Variants in CAMSAP1 observed in about 807,000 individuals in gnomAD.
CAMSAP1 encodes the protein calmodulin-regulated spectrin-associated protein 1.
In CAMSAP1, 58 loss-of-function variants were observed where a neutral mutation model predicts 143.5. That is an observed-to-expected ratio of 0.40 (90% CI 0.33 to 0.50). The LOEUF (loss-of-function observed/expected upper bound fraction) is 0.50. Among genes scored for constraint, CAMSAP1 ranks in the 20% least tolerant of loss-of-function variants. The pLI, the probability that CAMSAP1 is intolerant of heterozygous loss-of-function variation, is 0.45. For synonymous variants in CAMSAP1, 945 were observed against 859.3 expected (o/e 1.10, Z -1.74); for missense variants, 1,969 against 2,115.7 (o/e 0.93, Z 1.36).
In CAMSAP1 at chr9:135,820,293, A is replaced by G. The variant is rs1835398003; in HGVS notation, c.3822+546T>C. On this transcript the variant is annotated intron_variant, in intron 11 of 16. Transcript: ENST00000389532. This position sits in a 1 kb window ranked among gnomAD's most constrained non-coding sequence, Gnocchi z 4.4. ...ATATATGGTCTTATCATCTTAGGAG[A>G]CAACGAACGTCACAGCAAACATCAT... Among the ~76,000 whole-genome samples the G allele has an allele frequency of 1.3e-5, 2 of 152,226 alleles. No homozygotes were observed. Among genetic ancestry groups the G allele is most frequent in the Admixed American group, 1.3e-4 (2 of 15,282 alleles).
At chr9:135,878,696 TGA>T (rs1012260222) in intron 3 of CAMSAP1, among the ~76,000 whole-genome samples, 1 of 151,830 alleles carries the variant, frequency 6.6e-6, no homozygotes, top group African/African-American at 2.4e-5. Flanking sequence ...ACAGCGCGGG[TGA>T]GAGAGTTTGC....
At chr9:135,833,622 A>G (rs1218057329) in intron 7 of CAMSAP1, among the ~76,000 whole-genome samples, 1 of 152,250 alleles carries the variant, frequency 6.6e-6, no homozygotes. Context: ...TAGAAGAATG[A>G]AACTGGACCC....
At chr9:135,841,445 C>T (rs1313358263) in intron 7 of CAMSAP1, among the ~76,000 whole-genome samples, 1 of 152,198 alleles carries the variant, frequency 6.6e-6, no homozygotes, top group Non-Finnish European at 1.5e-5. Context: ...TAAACATCAC[C>T]GCCTGCTGGC....
intron 16 of CAMSAP1, among the ~76,000 whole-genome samples, chr9:135,813,870 CT>C (rs1835138124): frequency 6.6e-6 from 1 of 152,250 alleles, no homozygotes; most frequent in Non-Finnish European, 1.5e-5. Context: ...CTCAAAAGGG[CT>C]TTCCATGGCC....
intron 3 of CAMSAP1, among the ~76,000 whole-genome samples, chr9:135,873,011 ACT>A (rs1837619936): frequency 1.3e-5 from 2 of 152,196 alleles, no homozygotes; most frequent in Admixed American, 1.3e-4. Context: ...CACTGAAGAC[ACT>A]CTACCTTCAA....
chr9:135,836,441 C>T (rs950859885), intron 7 of CAMSAP1: 17 of 983,718 alleles, frequency 1.7e-5, no homozygotes, highest in Non-Finnish European at 2.0e-5. Context: ...CACACACTTT[C>T]TACCCTGTTC....
intron 1 of CAMSAP1, among the ~76,000 whole-genome samples, chr9:135,895,848 C>T (rs886768744): frequency 2.0e-5 from 3 of 151,926 alleles, no homozygotes; most frequent in Non-Finnish European, 2.9e-5. Flanking sequence ...ATAAGTATAC[C>T]GTAATACCCA....
intron 7 of CAMSAP1, among the ~76,000 whole-genome samples, chr9:135,841,275 C>T (rs995931409): frequency 6.6e-6 from 1 of 152,194 alleles, no homozygotes; most frequent in African/African-American, 2.4e-5. Context: ...TGGGCAAAGC[C>T]GCTGTAGCCA....
rs566753664 is a variant in CAMSAP1, at chr9:135,864,321, T to C, written c.667-1713A>G. ...GATTCAAAAAGTTAAAAGATCTATA[T>C]TGATTTAGAATGCTTTCCTCTTTCT... is the stretch of plus-strand genomic sequence containing the variant. On this transcript the variant is annotated intron_variant, in intron 4 of 16. Coordinates refer to ENST00000389532, the MANE Select transcript of CAMSAP1 (RefSeq NM_015447.4). 2.5e-3 allele frequency among the ~76,000 whole-genome samples: 381 copies of C among 152,328 alleles called. 2 individuals are homozygous for C. The highest frequency in any genetic ancestry group is 8.8e-3 in the African/African-American group (367 of 41,566).
rs59978082 is a variant in CAMSAP1, at chr9:135,892,848, C to CAAAAAAAAAAAAAAAAAAAAAAAAAAAA, written c.161-9771_161-9770insTTTTTTTTTTTTTTTTTTTTTTTTTTTT. On this transcript the variant is annotated intron_variant, in intron 1 of 16. Transcript: ENST00000389532. ...CCTGGGCAACAGAGCAAGACTGTCTCAAAAAAAAAAAAAAAAAAAGAACTA... is the reference window on the plus strand; with the variant it reads ...CCTGGGCAACAGAGCAAGACTGTCTCAAAAAAAAAAAAAAAAAAAAAAAAAAAAAAAAAAAAAAAAAAAAAAAGAACTA... 7.6e-4 allele frequency among the ~76,000 whole-genome samples: 32 copies of CAAAAAAAAAAAAAAAAAAAAAAAAAAAA among 42,060 alleles called. 2 individuals are homozygous for CAAAAAAAAAAAAAAAAAAAAAAAAAAAA. Among genetic ancestry groups the CAAAAAAAAAAAAAAAAAAAAAAAAAAAA allele is most frequent in the Non-Finnish European group, 1.0e-3 (24 of 23,610 alleles). 27.6% of individuals were successfully genotyped at this position (42,060 alleles called of 152,430 possible).
chr9:135,846,880 AAC>A (rs1219507251), intron 7 of CAMSAP1, among the ~76,000 whole-genome samples: 1 of 152,196 alleles, frequency 6.6e-6, no homozygotes, highest in Non-Finnish European at 1.5e-5. Context: ...GTCAGGCAAC[AAC>A]AGATGCTAGA....
In CAMSAP1 at chr9:135,824,684, A is replaced by C. The variant is rs1369853156; in HGVS notation, c.1315+105T>G. On this transcript the variant is annotated intron_variant, in intron 9 of 16. Transcript: ENST00000389532. The surrounding 1 kb of genome is among the most constrained non-coding windows in gnomAD (Gnocchi z 4.1). ...ATCTCAAAAAACAAACAAACAAACA[A>C]AAAAATCACTACATCAGATAAAATG... The C allele has an allele frequency of 1.5e-5, 14 of 921,980 alleles. No individual in the cohort carries two copies. The Admixed American group carries it at 4.1e-4, about 27-fold the overall frequency. 57.1% of individuals were successfully genotyped at this position (921,980 alleles called of 1,614,324 possible).
chr9:135,860,340 G>A (rs1203022027), intron 5 of CAMSAP1, among the ~76,000 whole-genome samples: 1 of 152,140 alleles, frequency 6.6e-6, no homozygotes, highest in African/African-American at 2.4e-5. Flanking sequence ...GCTCACACCT[G>A]TAATCCCAGC....
rs918441830 is a variant in CAMSAP1, at chr9:135,856,282, C to T, written c.809-5821G>A. ...ATGAAAAGCACGTGTCACATGACGG[C>T]GGCAAGAGAGAGAATGAGAGCCAAG... On this transcript the variant is annotated intron_variant, in intron 5 of 16. Coordinates refer to ENST00000389532, the MANE Select transcript of CAMSAP1 (RefSeq NM_015447.4). Among the ~76,000 whole-genome samples, 122 of 152,158 alleles carry T rather than the reference C, an allele frequency of 8.0e-4. 1 individual carries two copies. Among genetic ancestry groups the T allele is most frequent in the Non-Finnish European group, 9.4e-4 (64 of 68,004 alleles).
Position 135,821,151 on chromosome 9 carries a change from C to A in CAMSAP1, c.3510G>T (p.Arg1170Ser). 1 of 1,612,472 alleles carries A rather than the reference C, an allele frequency of 6.2e-7. No homozygotes were observed. The highest frequency in any genetic ancestry group is 1.1e-5 in the South Asian group (1 of 91,092). ...TCCGCTGATTGCTTTCATCATGGAG[C>A]CTGTAACTGTCGAAGAGACACTTCC... ...PHGKCLFDSY[R>S]LHDESNQRTL... is the part of the protein sequence containing the mutation. The change falls in exon 11 of 17, where the codon AGG (arginine) becomes AGT (serine). Residue 1170 changes from arginine (R) to serine (S), a missense_variant. Coordinates refer to ENST00000389532, the MANE Select transcript of CAMSAP1 (RefSeq NM_015447.4). The surrounding 1 kb of genome is among the most constrained non-coding windows in gnomAD (Gnocchi z 4.6).
chr9:135,868,953 G>A (rs966620473), intron 3 of CAMSAP1, among the ~76,000 whole-genome samples: 1 of 152,068 alleles, frequency 6.6e-6, no homozygotes, highest in African/African-American at 2.4e-5. Context: ...TTTTGATACT[G>A]TGTCATGAAA....
In CAMSAP1 at chr9:135,818,914, C is replaced by G. The variant is rs1588441463; in HGVS notation, c.3959+96G>C. On this transcript the variant is annotated intron_variant, in intron 12 of 16. Transcript: ENST00000389532. The surrounding 1 kb of genome is among the most constrained non-coding windows in gnomAD (Gnocchi z 7.7). ...GTAAGACCGTCACAGGCACTCATTG[C>G]CATGGTCCATGCTCAGTGCCAGCAA... 25 of 1,519,394 alleles carry G rather than the reference C, an allele frequency of 1.6e-5. No individual in the cohort carries two copies. The East Asian group carries it at 6.1e-4, about 37-fold the overall frequency. 94.1% of individuals were successfully genotyped at this position (1,519,394 alleles called of 1,614,324 possible). A position where few individuals can be genotyped will look rare whatever the true frequency, so the allele number is the denominator to read the frequency against.
chr9:135,816,096 G>C (rs1309519218), intron 14 of CAMSAP1, 91 bp from the exon 15 acceptor site: 2 of 1,171,804 alleles, frequency 1.7e-6, no homozygotes, highest in Non-Finnish European at 2.5e-6. Context: ...ACCAGGACAG[G>C]AAGCACATCA....
At position 135,882,128 on chromosome 9, in the gene CAMSAP1, A is replaced by T. The variant is rs1837979254; in HGVS notation, c.424-334T>A. Among the ~76,000 whole-genome samples the T allele has an allele frequency of 6.6e-6, 1 of 152,176 alleles. No individual in the cohort carries two copies. The highest frequency in any genetic ancestry group is 1.5e-5 in the Non-Finnish European group (1 of 68,024). ...TCCCAGGAAAGGCGGTGCAGCTCCC[A>T]GGTCGTGGTTGTGGGAAGGCAGACA... On this transcript the variant is annotated intron_variant, in intron 2 of 16. Transcript: ENST00000389532. This position sits in a 1 kb window ranked among gnomAD's most constrained non-coding sequence, Gnocchi z 4.9.
Sources: allele counts gnomAD v4.1 joint callset (sites outside exome capture counted in the v4.1 genomes callset), GRCh38; gene constraint gnomAD v4.1.1; non-coding constraint Gnocchi (gnomAD v3.1); transcripts MANE v1.5; gene names NCBI Gene and HGNC (gene_info 2026-07-23, HGNC 2026-07-21).